Variants in SLC24A2 observed in about 807,000 individuals in gnomAD.
SLC24A2 encodes sodium/potassium/calcium exchanger 2.
In SLC24A2, 36 loss-of-function variants were observed where a neutral mutation model predicts 62.0. The observed-to-expected ratio is 0.58, with a 90% CI of 0.44 to 0.77. SLC24A2 has a LOEUF of 0.77. Ranked by LOEUF, SLC24A2 falls within the 30% of genes least tolerant of loss-of-function variation. SLC24A2 has a pLI of 0.00. For synonymous variants in SLC24A2, 358 were observed against 294.0 expected, an observed-to-expected ratio of 1.22 and a Z score of -2.23; for missense variants, 846 against 817.9, an observed-to-expected ratio of 1.03 and a Z score of -0.42.
chr9:19,527,313 T>C (rs1209713267), intron 9 of SLC24A2, among the ~76,000 whole-genome samples: 1 of 152,180 alleles, frequency 6.6e-6, no homozygotes, highest in Admixed American at 6.5e-5. Flanking sequence ...TTTTGGGTAA[T>C]CTTACCAACT....
the SLC24A2 span, among the ~76,000 whole-genome samples, chr9:20,000,553 T>A: frequency 6.6e-6 from 1 of 152,220 alleles, no homozygotes; most frequent in African/African-American, 2.4e-5. Flanking sequence ...GCCCTGAGAA[T>A]AGACCACCTG....
At chr9:19,977,987 T>G in the SLC24A2 span, among the ~76,000 whole-genome samples, 2 of 152,170 alleles carry the variant, frequency 1.3e-5, no homozygotes, top group Non-Finnish European at 2.9e-5. Flanking sequence ...CCTGATGTTC[T>G]GTGGCTGGGT....
chr9:19,536,887 T>C (rs1270336586), intron 8 of SLC24A2, among the ~76,000 whole-genome samples: 2 of 120,280 alleles, frequency 1.7e-5, no homozygotes, highest in Non-Finnish European at 3.4e-5. Context: ...TTTTAATGAT[T>C]GCCATTCTAA....
At chr9:20,118,164 T>G in the SLC24A2 span, among the ~76,000 whole-genome samples, 15,950 of 152,024 alleles carry the variant, frequency 0.1, 1,499 homozygotes, top group East Asian at 0.53. Context: ...TCTACCCCTG[T>G]GTAGAGCTGG....
chr9:19,533,798 CA>C (rs1427192193), intron 8 of SLC24A2, among the ~76,000 whole-genome samples: 2 of 152,152 alleles, frequency 1.3e-5, no homozygotes. Flanking sequence ...TGTTACAAAG[CA>C]AAAGATAACT....
chr9:20,052,775 T>C, the SLC24A2 span, among the ~76,000 whole-genome samples: 3 of 152,198 alleles, frequency 2.0e-5, no homozygotes, highest in East Asian at 5.8e-4. Flanking sequence ...AGACTCTTAT[T>C]CAGATATTTG....
chr9:20,002,765 G>A, the SLC24A2 span, among the ~76,000 whole-genome samples: 1 of 152,190 alleles, frequency 6.6e-6, no homozygotes, highest in African/African-American at 2.4e-5. Flanking sequence ...AACACTTCTG[G>A]ATTTTTCCTC....
chr9:20,194,868 C>T, the SLC24A2 span, among the ~76,000 whole-genome samples: 3 of 152,132 alleles, frequency 2.0e-5, no homozygotes, highest in Non-Finnish European at 4.4e-5. Context: ...CGCATGCACA[C>T]ACACACTACA....
intron 8 of SLC24A2, among the ~76,000 whole-genome samples, chr9:19,532,403 A>G (rs1833752607): frequency 6.6e-6 from 1 of 152,148 alleles, no homozygotes; most frequent in South Asian, 2.1e-4. Context: ...ACTCCCATAT[A>G]CTTTAAATCA....
intron 8 of SLC24A2, among the ~76,000 whole-genome samples, chr9:19,542,001 C>A (rs570651478): frequency 3.9e-5 from 6 of 152,270 alleles, no homozygotes; most frequent in South Asian, 2.1e-4. Context: ...TTCTTTGACT[C>A]GGAAAGGGAA....
chr9:20,272,427 T>A, the SLC24A2 span, among the ~76,000 whole-genome samples: 14 of 152,196 alleles, frequency 9.2e-5, no homozygotes, highest in South Asian at 6.2e-4. Context: ...CCTAATTTTT[T>A]ATTCCAACTC....
chr9:20,078,409 T>C, the SLC24A2 span, among the ~76,000 whole-genome samples: 4 of 151,846 alleles, frequency 2.6e-5, no homozygotes, highest in East Asian at 7.7e-4. Flanking sequence ...AGAGCCTGAT[T>C]CAGTGGTCAG....
At chr9:19,575,081 T>C (rs1326262701) in intron 6 of SLC24A2, among the ~76,000 whole-genome samples, 2 of 152,196 alleles carry the variant, frequency 1.3e-5, no homozygotes, top group Non-Finnish European at 2.9e-5. Flanking sequence ...TTGGAAATCA[T>C]AGGGAAATAT....
At chr9:19,716,736 A>G (rs1456580895) in intron 2 of SLC24A2, among the ~76,000 whole-genome samples, 3 of 152,108 alleles carry the variant, frequency 2.0e-5, no homozygotes, top group African/African-American at 4.8e-5. Flanking sequence ...TATAGCCACT[A>G]TCATCATCCC....
At chr9:19,923,133 T>C in the SLC24A2 span, among the ~76,000 whole-genome samples, 5 of 152,042 alleles carry the variant, frequency 3.3e-5, no homozygotes, top group Admixed American at 2.0e-4. Flanking sequence ...AGTGGATAAA[T>C]TGGCATGGCT....
the SLC24A2 span, among the ~76,000 whole-genome samples, chr9:20,052,978 C>A: frequency 6.6e-6 from 1 of 152,182 alleles, no homozygotes; most frequent in Non-Finnish European, 1.5e-5. Context: ...ATATGGATTT[C>A]ATCCTCTCTA....
the SLC24A2 span, among the ~76,000 whole-genome samples, chr9:20,193,156 G>A: frequency 2.0e-5 from 3 of 152,094 alleles, no homozygotes; most frequent in African/African-American, 7.2e-5. Context: ...CCTTGATATT[G>A]AGTATACCCT....
At chr9:19,843,443 C>T in the SLC24A2 span, among the ~76,000 whole-genome samples, 3 of 152,162 alleles carry the variant, frequency 2.0e-5, no homozygotes, top group East Asian at 1.9e-4. Flanking sequence ...ACCTGGGAGG[C>T]GGAGGTTGCA....
the SLC24A2 span, among the ~76,000 whole-genome samples, chr9:20,166,694 G>A: frequency 6.6e-6 from 1 of 151,920 alleles, no homozygotes; most frequent in South Asian, 2.1e-4. Context: ...AGGGATAAAA[G>A]GAATAGTAGA....
Sources: gnomAD v4.1 joint callset for allele counts (sites outside exome capture counted in the v4.1 genomes callset) on GRCh38, gnomAD v4.1.1 for gene constraint, MANE v1.5 for transcripts, NCBI Gene and HGNC (gene_info 2026-07-23, HGNC 2026-07-21) for gene names.